FBXO36: variants seen among roughly 807,000 people sequenced by gnomAD.
FBXO36 encodes the protein F-box only protein 36.
FBXO36 carries 18 observed loss-of-function variants against 17.0 expected under a neutral mutation model. The observed-to-expected ratio is 1.06, with a 90% confidence interval of 0.73 to 1.57. The LOEUF is 1.57. Ranked by LOEUF, FBXO36 falls within the 40% of genes most tolerant of loss-of-function variation. The pLI is 0.00. For missense variants in FBXO36, 229 were observed against 221.9 expected (o/e 1.03, Z -0.20); for synonymous variants, 83 against 85.3 (o/e 0.97, Z 0.15).
At chr2:229,937,177 C>T (rs919134664) in intron 1 of FBXO36, among the ~76,000 whole-genome samples, 3 of 151,994 alleles carry the variant, frequency 2.0e-5, no homozygotes, top group African/African-American at 7.3e-5. Flanking sequence ...GAATATAGTG[C>T]GGCAACCACC....
At chr2:229,999,487 G>GTATATATATATGTATATA (rs1257227081) in intron 3 of FBXO36, among the ~76,000 whole-genome samples, 1 of 146,832 alleles carries the variant, frequency 6.8e-6, no homozygotes, top group Non-Finnish European at 1.5e-5. Context: ...GTGTGTGTGT[G>GTATATATATATGTATATA]TATATATATA....
intron 1 of FBXO36, among the ~76,000 whole-genome samples, chr2:229,957,713 C>T (rs2077096243): frequency 6.6e-6 from 1 of 152,016 alleles, no homozygotes; most frequent in Admixed American, 6.6e-5. Context: ...GAGAAAGGGA[C>T]GAGAGAGAGA....
chr2:230,001,644 A>G (rs1346472587), intron 3 of FBXO36, among the ~76,000 whole-genome samples: 1 of 152,126 alleles, frequency 6.6e-6, no homozygotes, highest in Non-Finnish European at 1.5e-5. Flanking sequence ...TCCTTTTCAA[A>G]TTCCGGGGGA....
At chr2:229,997,923 C>T (rs77659929) in intron 3 of FBXO36, among the ~76,000 whole-genome samples, 1 of 152,278 alleles carries the variant, frequency 6.6e-6, no homozygotes, top group Non-Finnish European at 1.5e-5. Context: ...ACTCCAGAAC[C>T]CCCAATGCTA....
intron 3 of FBXO36, among the ~76,000 whole-genome samples, chr2:230,005,587 C>T (rs1264151934): frequency 3.3e-5 from 5 of 152,116 alleles, no homozygotes; most frequent in Admixed American, 1.3e-4. Flanking sequence ...CTATAATATG[C>T]GCCTCCATGC....
intron 2 of FBXO36, among the ~76,000 whole-genome samples, chr2:229,992,088 G>T (rs2077300701): frequency 1.3e-5 from 2 of 151,828 alleles, no homozygotes; most frequent in South Asian, 4.1e-4. Flanking sequence ...AAATCAGGCA[G>T]TATGTTCCTG....
At chr2:229,978,445 A>G (rs573118963) in intron 2 of FBXO36, among the ~76,000 whole-genome samples, 1 of 151,820 alleles carries the variant, frequency 6.6e-6, no homozygotes, top group East Asian at 2.0e-4. Flanking sequence ...TTAGCTGGGC[A>G]TGATGGTGGT....
chr2:229,952,218 C>CT (rs1025448941), intron 1 of FBXO36, among the ~76,000 whole-genome samples: 1 of 152,168 alleles, frequency 6.6e-6, no homozygotes, highest in Non-Finnish European at 1.5e-5. Context: ...ATTTTCTCCT[C>CT]TTCTTTTCCC....
At chr2:229,928,206 C>T (rs2076922593) in intron 1 of FBXO36, among the ~76,000 whole-genome samples, 1 of 152,094 alleles carries the variant, frequency 6.6e-6, no homozygotes, top group African/African-American at 2.4e-5. Flanking sequence ...GAATACTATC[C>T]AACTTTTCAA....
intron 2 of FBXO36, among the ~76,000 whole-genome samples, chr2:229,993,263 A>G (rs1386078130): frequency 6.6e-6 from 1 of 152,122 alleles, no homozygotes; most frequent in African/African-American, 2.4e-5. Flanking sequence ...GACCCTCCCA[A>G]TCCTAACGAG....
chr2:230,004,177 T>C (rs540905920), intron 3 of FBXO36, among the ~76,000 whole-genome samples: 8 of 152,262 alleles, frequency 5.3e-5, no homozygotes, highest in Non-Finnish European at 1.0e-4. Flanking sequence ...AATATTCTCC[T>C]CCTGACTCAA....
intron 3 of FBXO36, among the ~76,000 whole-genome samples, chr2:229,999,196 C>T (rs942125943): frequency 1.3e-5 from 2 of 149,682 alleles, no homozygotes; most frequent in Non-Finnish European, 3.0e-5. Context: ...GCATGATCTC[C>T]GCTGACTGCA....
intron 1 of FBXO36, among the ~76,000 whole-genome samples, chr2:229,926,025 C>T (rs921430696): frequency 3.3e-5 from 5 of 150,566 alleles, no homozygotes; most frequent in African/African-American, 4.9e-5. Context: ...CACAGTGGCT[C>T]AAACCTGTAA....
intron 1 of FBXO36, among the ~76,000 whole-genome samples, chr2:229,951,709 T>G (rs1456184359): frequency 6.6e-6 from 1 of 152,248 alleles, no homozygotes; most frequent in Non-Finnish European, 1.5e-5. Context: ...AGTGATTCCA[T>G]TTTAGTTGGT....
Position 229,936,448 on chromosome 2 carries a change from A to T in FBXO36, c.96+13839A>T, listed in dbSNP as rs190689983. Among the ~76,000 whole-genome samples the T allele has an allele frequency of 2.0e-4, 31 of 152,332 alleles. No homozygotes were observed. The East Asian group carries it at 6.0e-3, about 29-fold the overall frequency. On this transcript the variant is annotated intron_variant, in intron 1 of 3. Coordinates refer to ENST00000283946, the MANE Select transcript of FBXO36 (RefSeq NM_174899.5). Reference sequence around the variant, plus strand: ...ACAGATTTTATCTGTATCTGTTTACAAATATCTATGTAAATTTATGCTTAT... The same window carrying T: ...ACAGATTTTATCTGTATCTGTTTACTAATATCTATGTAAATTTATGCTTAT...
chr2:229,987,189 G>A (rs1385325557), intron 2 of FBXO36, among the ~76,000 whole-genome samples: 1 of 148,600 alleles, frequency 6.7e-6, no homozygotes, highest in East Asian at 2.0e-4. Flanking sequence ...TCCAGCCTGG[G>A]CAACAGAGCG....
At chr2:229,996,662 A>C in intron 2 of FBXO36, 89 bp from the exon 3 acceptor site, 2 of 1,392,228 alleles carry the variant, frequency 1.4e-6, no homozygotes, top group Non-Finnish European at 1.9e-6. Context: ...CCCAGGGGAA[A>C]AATGCCCTGA....
intron 1 of FBXO36, among the ~76,000 whole-genome samples, chr2:229,959,027 C>G (rs34047951): frequency 6.6e-6 from 1 of 152,176 alleles, no homozygotes; most frequent in Non-Finnish European, 1.5e-5. Flanking sequence ...CTTGGATGCT[C>G]TCAAAGTCTC....
chr2:229,954,233 G>GGTTTTTTTTTTT (rs1283205428), intron 1 of FBXO36, among the ~76,000 whole-genome samples: 2 of 33,122 alleles, frequency 6.0e-5, no homozygotes, highest in East Asian at 1.0e-3. Flanking sequence ...AAACCCTTTG[G>GGTTTTTTTTTTT]ATTTTTTTTT....
Sources: gnomAD v4.1 joint callset for allele counts (sites outside exome capture counted in the v4.1 genomes callset) on GRCh38, gnomAD v4.1.1 for gene constraint, MANE v1.5 for transcripts, NCBI Gene and HGNC (gene_info 2026-07-23, HGNC 2026-07-21) for gene names.